Variants in ENO4 observed in about 807,000 individuals in gnomAD.
The protein encoded by ENO4 is 2-phospho-D-glycerate hydro-lyase.
Under a neutral mutation model 63.2 loss-of-function variants are expected in ENO4, and 53 were observed. The observed-to-expected ratio is 0.84, with a 90% CI of 0.67 to 1.05. ENO4 has a LOEUF of 1.05. ENO4 is among the 50% of genes least tolerant of loss of function. The probability of loss-of-function intolerance (pLI) is 0.00; values close to 1 mark genes in which losing one functional copy is unlikely to be tolerated. For synonymous variants in ENO4, 266 were observed against 283.8 expected, an observed-to-expected ratio of 0.94 and a Z score of 0.63; for missense variants, 719 against 772.0, an observed-to-expected ratio of 0.93 and a Z score of 0.81.
chr10:116,853,242 C>A (rs1371120888), intron 1 of ENO4, among the ~76,000 whole-genome samples: 7 of 144,350 alleles, frequency 4.8e-5, no homozygotes, highest in African/African-American at 1.8e-4. Flanking sequence ...TTGCAGCGAG[C>A]CAAGATTGTG....
chr10:116,907,913 C>G, intron 10 of ENO4: 1 of 518,078 alleles, frequency 1.9e-6, no homozygotes, highest in Non-Finnish European at 3.9e-6. Context: ...CCCTGCCTGC[C>G]AACTACCTGA....
Position 116,875,561 on chromosome 10 carries a change from TCACACACACACACA to T in ENO4, c.1342-491_1342-478del, listed in dbSNP as rs56000218. Reference sequence around the variant, plus strand: ...GGTCTTGCCACATTGTCCAGGCTGGTCACACACACACACACACACACACACATGCACATGTATGT... The same window carrying T: ...GGTCTTGCCACATTGTCCAGGCTGGTCACACACACACATGCACATGTATGT... On this transcript the variant is annotated intron_variant, in intron 10 of 13. Transcript: ENST00000341276. Among the ~76,000 whole-genome samples, 53 of 148,014 alleles carry T rather than the reference TCACACACACACACA, an allele frequency of 3.6e-4. 1 individual carries two copies. In the South Asian group the frequency reaches 0.011, roughly 30 times the overall value.
chr10:116,850,055 C>G, intron 1 of ENO4: 1 of 503,010 alleles, frequency 2.0e-6, no homozygotes, highest in Non-Finnish European at 3.6e-6. Flanking sequence ...GCCGGCCCAC[C>G]GCCCATGCTT....
intron 10 of ENO4, among the ~76,000 whole-genome samples, chr10:116,898,218 C>T (rs920395793): frequency 2.6e-5 from 4 of 151,852 alleles, no homozygotes; most frequent in African/African-American, 9.7e-5. Flanking sequence ...ATCACAGCTA[C>T]TCGGGAGGCT....
intron 4 of ENO4, among the ~76,000 whole-genome samples, chr10:116,860,236 C>G (rs933852111): frequency 6.6e-6 from 1 of 152,182 alleles, no homozygotes; most frequent in Non-Finnish European, 1.5e-5. Flanking sequence ...AGGCTGAGAA[C>G]ATATTCTAGT....
At chr10:116,859,918 A>G (rs1373224464) in intron 4 of ENO4, among the ~76,000 whole-genome samples, 4 of 152,128 alleles carry the variant, frequency 2.6e-5, no homozygotes, top group Non-Finnish European at 5.9e-5. Context: ...AGAAGTGAAG[A>G]GATTTGCCCC....
rs1364606208 is a variant in ENO4 at position 116,879,976 on chromosome 10, T to G, written c.1713T>G (p.Asn571Lys). The G allele has an allele frequency of 1.0e-5, 16 of 1,547,576 alleles. No individual in the cohort carries two copies. The highest frequency in any genetic ancestry group is 1.4e-5 in the Non-Finnish European group (16 of 1,144,274). The stretch of plus-strand genomic sequence containing the variant: ...CTATAGAGGAAGAACTTGTCCAGAA[T>G]GGAACACTGGGTATGCGCTGCTTTC... ...LLTIEEELVQNGTLGFKEEHT... is the reference protein window; with the variant it reads ...LLTIEEELVQKGTLGFKEEHT... Residue 571 changes from asparagine to lysine, a missense_variant, in exon 13 of 14, where the codon AAT becomes AAG. Asn to Lys is a moderately conservative substitution (Grantham distance 94, BLOSUM62 0). Coordinates refer to ENST00000341276, the MANE Select transcript of ENO4 (RefSeq NM_001242699.2).
chr10:116,856,167 C>A (rs557996606), intron 2 of ENO4, among the ~76,000 whole-genome samples: 1 of 152,286 alleles, frequency 6.6e-6, no homozygotes, highest in Admixed American at 6.5e-5. Context: ...CACTTTGCTA[C>A]ATATTTGTTA....
chr10:116,901,013 T>C (rs969988775), intron 10 of ENO4: 6 of 985,328 alleles, frequency 6.1e-6, no homozygotes, highest in Admixed American at 6.1e-5. Flanking sequence ...TCTTTCTCTC[T>C]TGATAGGACA....
In ENO4 at chr10:116,910,098, T is replaced by G. The variant is rs1369174648; in HGVS notation, c.1195-1401T>G. Among the ~76,000 whole-genome samples, 5 of 152,266 alleles carry G rather than the reference T, an allele frequency of 3.3e-5. No individual in the cohort carries two copies. In the East Asian group the frequency reaches 9.6e-4, roughly 29 times the overall value. ...GGCAGGTCGAGCTAGGAGCTTTCTT[T>G]TTATCTTTCTTATAAGAATGTGTGT... is the stretch of plus-strand genomic sequence containing the variant. On this transcript the variant is annotated intron_variant, in intron 10 of 10. Transcript: ENST00000369207.
At chr10:116,863,007 C>T (rs1243910851) in intron 7 of ENO4, among the ~76,000 whole-genome samples, 155 bp downstream of exon 7, 1 of 152,140 alleles carries the variant, frequency 6.6e-6, no homozygotes, top group African/African-American at 2.4e-5. Flanking sequence ...GTATCCATGT[C>T]CTCAGTGGCT....
At chr10:116,879,246 C>T (rs967057656) in intron 11 of ENO4, 45 bp from the exon 12 acceptor site, 12 of 1,425,402 alleles carry the variant, frequency 8.4e-6, no homozygotes, top group South Asian at 7.8e-5. Flanking sequence ...CACATGTATC[C>T]TAACTTTCTA....
At chr10:116,905,208 CA>C (rs772309175) in intron 10 of ENO4, among the ~76,000 whole-genome samples, 3,920 of 63,446 alleles carry the variant, frequency 0.062, 82 homozygotes, top group African/African-American at 0.16. Flanking sequence ...GACTCCGTCT[CA>C]AAAAAAAAAA....
chr10:116,899,797 G>C (rs1277993872), intron 10 of ENO4, among the ~76,000 whole-genome samples: 1 of 152,160 alleles, frequency 6.6e-6, no homozygotes, highest in Non-Finnish European at 1.5e-5. Context: ...GACAGGCCAA[G>C]TCTATAAAGT....
At chr10:116,849,798 G>A in intron 1 of ENO4, 67 bp downstream of exon 1, 3 of 1,434,634 alleles carry the variant, frequency 2.1e-6, no homozygotes, top group East Asian at 2.6e-5. Flanking sequence ...CTGCGGCAAC[G>A]CCTTGCGCCT....
intron 10 of ENO4, among the ~76,000 whole-genome samples, chr10:116,908,629 CTG>C (rs1164515794): frequency 2.0e-5 from 3 of 152,294 alleles, no homozygotes; most frequent in East Asian, 1.9e-4. Flanking sequence ...AGCAAGGACA[CTG>C]TGTAGTTTTT....
chr10:116,900,154 C>A (rs866184066), intron 10 of ENO4, among the ~76,000 whole-genome samples: 1 of 152,156 alleles, frequency 6.6e-6, no homozygotes, highest in Non-Finnish European at 1.5e-5. Context: ...TGAAAATACA[C>A]GGCATCAGTT....
intron 10 of ENO4, among the ~76,000 whole-genome samples, chr10:116,909,955 A>C (rs1226023384): frequency 6.6e-6 from 1 of 152,050 alleles, no homozygotes; most frequent in East Asian, 1.9e-4. Context: ...TTCCATCTTA[A>C]TTGTTTCTTA....
chr10:116,900,432 C>T, intron 10 of ENO4: 1 of 1,060,682 alleles, frequency 9.4e-7, no homozygotes, highest in Admixed American at 2.0e-5. Context: ...GACCTTGGGC[C>T]TGCAATTATT....
Sources: gnomAD v4.1 joint callset for allele counts (sites outside exome capture counted in the v4.1 genomes callset) on GRCh38, gnomAD v4.1.1 for gene constraint, MANE v1.5 for transcripts, NCBI Gene and HGNC (gene_info 2026-07-23, HGNC 2026-07-21) for gene names.